The following EGFR variants were observed in gnomAD, a reference collection of about 807,000 sequenced individuals.
EGFR encodes the protein epidermal growth factor receptor.
Under a neutral mutation model 143.0 loss-of-function variants are expected in EGFR, and 58 were observed. The ratio of observed to expected loss-of-function variants is 0.41; its 90% CI spans 0.33 to 0.50. EGFR has a LOEUF of 0.50. EGFR is among the 20% of genes least tolerant of loss of function. The pLI is 0.39. For missense variants in EGFR, 1,307 were observed against 1,579.0 expected, an observed-to-expected ratio of 0.83 and a Z score of 2.92; for synonymous variants, 613 against 594.4, an observed-to-expected ratio of 1.03 and a Z score of -0.45.
chr7:55,109,356 T>C (rs995254832), intron 1 of EGFR, among the ~76,000 whole-genome samples: 1 of 152,188 alleles, frequency 6.6e-6, no homozygotes, highest in African/African-American at 2.4e-5. Context: ...TTAAGGACTA[T>C]CTACAGCAAT....
intron 1 of EGFR, among the ~76,000 whole-genome samples, chr7:55,094,639 C>T (rs536544661): frequency 4.0e-4 from 61 of 152,358 alleles, no homozygotes; most frequent in Admixed American, 1.4e-3. Flanking sequence ...TTTCTAACTT[C>T]TCCTTTCACA....
intron 15 of EGFR, among the ~76,000 whole-genome samples, chr7:55,167,090 A>G (rs112474821): frequency 2.6e-3 from 201 of 78,248 alleles, no homozygotes; most frequent in South Asian, 5.7e-3. Flanking sequence ...GGTGATGATG[A>G]TGAGGAGGTG....
At chr7:55,102,517 C>T (rs1469581715) in intron 1 of EGFR, among the ~76,000 whole-genome samples, 1 of 152,192 alleles carries the variant, frequency 6.6e-6, no homozygotes, top group East Asian at 1.9e-4. Context: ...CACTGAACTG[C>T]AGCGTCTGCT....
intron 1 of EGFR, among the ~76,000 whole-genome samples, chr7:55,111,908 CG>C (rs779961324): frequency 2.0e-5 from 3 of 152,204 alleles, no homozygotes; most frequent in Non-Finnish European, 4.4e-5. Flanking sequence ...TACAGCATCT[CG>C]TTTAACCAGC....
intron 1 of EGFR, among the ~76,000 whole-genome samples, chr7:55,135,948 T>C (rs1794114793): frequency 6.6e-6 from 1 of 152,200 alleles, no homozygotes; most frequent in South Asian, 2.1e-4. Flanking sequence ...AAGTAATACA[T>C]GGTCACTATG....
At chr7:55,168,817 G>C (rs918091063) in intron 15 of EGFR, among the ~76,000 whole-genome samples, 18 of 152,190 alleles carry the variant, frequency 1.2e-4, no homozygotes, top group African/African-American at 2.4e-5. Flanking sequence ...ATACGGCCAA[G>C]TGTTGATGAG....
chr7:55,040,235 G>A (rs1323788329), intron 1 of EGFR, among the ~76,000 whole-genome samples: 2 of 152,170 alleles, frequency 1.3e-5, no homozygotes, highest in African/African-American at 2.4e-5. Context: ...AGAAAAATAT[G>A]AAAAGTGGAT....
intron 1 of EGFR, among the ~76,000 whole-genome samples, chr7:55,123,541 C>T (rs990570066): frequency 6.6e-6 from 1 of 152,000 alleles, no homozygotes; most frequent in East Asian, 1.9e-4. Flanking sequence ...CTAAGTGTAC[C>T]TCCTTGTGAA....
At chr7:55,204,942 C>T (rs1159290089) in intron 27 of EGFR, among the ~76,000 whole-genome samples, 1 of 151,676 alleles carries the variant, frequency 6.6e-6, no homozygotes, top group Non-Finnish European at 1.5e-5. Context: ...ACACACCAGA[C>T]ACACATACCA....
chr7:55,192,281 C>T (rs915220601), intron 21 of EGFR, among the ~76,000 whole-genome samples: 12 of 152,168 alleles, frequency 7.9e-5, no homozygotes, highest in African/African-American at 2.7e-4. Context: ...GTCTGTGGCT[C>T]GTGGCTGGGA....
At chr7:55,027,989 A>ATATATATAT (rs1427050656) in intron 1 of EGFR, among the ~76,000 whole-genome samples, 23 of 74,012 alleles carry the variant, frequency 3.1e-4, no homozygotes, top group East Asian at 2.2e-3. Context: ...AAAAAAAAAA[A>ATATATATAT]AAATATATAT....
intron 17 of EGFR, 128 bp downstream of exon 17, chr7:55,173,252 C>T (rs1349319030): frequency 1.5e-6 from 2 of 1,374,500 alleles, no homozygotes; most frequent in Admixed American, 2.1e-5. Flanking sequence ...CAGAAAGAAT[C>T]TCTGAATGTG....
intron 1 of EGFR, among the ~76,000 whole-genome samples, chr7:55,048,554 A>G (rs1027920686): frequency 2.6e-5 from 4 of 152,190 alleles, no homozygotes; most frequent in East Asian, 1.9e-4. Context: ...AATTGAATAT[A>G]TTGGTTAAAT....
intron 1 of EGFR, among the ~76,000 whole-genome samples, chr7:55,082,795 G>C (rs1436422672): frequency 1.3e-5 from 2 of 152,162 alleles, no homozygotes; most frequent in African/African-American, 4.8e-5. Context: ...AGATTTATTT[G>C]CTTACAGCTC....
intron 8 of EGFR, 99 bp downstream of exon 8, chr7:55,156,045 A>G (rs1785403628): frequency 2.4e-6 from 2 of 844,112 alleles, no homozygotes; most frequent in Admixed American, 2.0e-5. Context: ...CTTCTCATTA[A>G]AAAACAACTA....
chr7:55,075,439 C>T (rs1790081304), intron 1 of EGFR, among the ~76,000 whole-genome samples: 3 of 152,280 alleles, frequency 2.0e-5, no homozygotes, highest in African/African-American at 7.2e-5. Flanking sequence ...AATATATTCA[C>T]TGGGGAATGG....
At chr7:55,164,699 G>T (rs17290155) in intron 14 of EGFR, among the ~76,000 whole-genome samples, 2,004 of 152,276 alleles carry the variant, frequency 0.013, 58 homozygotes, top group African/African-American at 0.047. Context: ...TGCTACTTCT[G>T]AAGTGTGGGG....
At chr7:55,141,775 T>C (rs1166243153) in intron 1 of EGFR, among the ~76,000 whole-genome samples, 1 of 152,204 alleles carries the variant, frequency 6.6e-6, no homozygotes, top group African/African-American at 2.4e-5. Context: ...CGCACAACAA[T>C]GTGACTCACA....
intron 19 of EGFR, chr7:55,179,896 T>A (rs931117785): frequency 6.6e-6 from 1 of 152,212 alleles, no homozygotes; most frequent in African/African-American, 2.4e-5. Flanking sequence ...TGTCTGTAGG[T>A]TACACACAAA....
Sources: allele counts gnomAD v4.1 joint callset (sites outside exome capture counted in the v4.1 genomes callset), GRCh38; gene constraint gnomAD v4.1.1; transcripts MANE v1.5; gene names NCBI Gene and HGNC (gene_info 2026-07-23, HGNC 2026-07-21).